ATP8A2: variants seen among roughly 807,000 people sequenced by gnomAD.
The protein encoded by ATP8A2 is phospholipid-transporting ATPase IB.
ATP8A2 carries 100 observed loss-of-function variants against 165.6 expected under a neutral mutation model. The observed-to-expected ratio is 0.60, with a 90% confidence interval of 0.51 to 0.71. ATP8A2 has a LOEUF of 0.71. Among genes scored for constraint, ATP8A2 ranks in the 30% least tolerant of loss-of-function variants. The pLI, the probability that ATP8A2 is intolerant of heterozygous loss-of-function variation, is 0.00. For synonymous variants in ATP8A2, 543 were observed against 548.8 expected (o/e 0.99, Z 0.15); for missense variants, 1,227 against 1,479.5 (o/e 0.83, Z 2.80).
intron 1 of ATP8A2, among the ~76,000 whole-genome samples, chr13:25,396,387 G>A (rs2033425820): frequency 6.6e-6 from 1 of 152,142 alleles, no homozygotes; most frequent in South Asian, 2.1e-4. Flanking sequence ...TGGGGAAAAG[G>A]GGTTCTAGTT....
intron 30 of ATP8A2, among the ~76,000 whole-genome samples, chr13:25,855,246 A>G (rs1398660172): frequency 1.4e-5 from 2 of 146,612 alleles, no homozygotes; most frequent in South Asian, 4.3e-4. Context: ...GTAAGACTCC[A>G]TCTCAAAAAA....
intron 27 of ATP8A2, among the ~76,000 whole-genome samples, chr13:25,806,996 A>C (rs1427871853): frequency 1.3e-5 from 2 of 152,252 alleles, no homozygotes; most frequent in African/African-American, 4.8e-5. Context: ...ATGTCTATTC[A>C]GATTCTTTGC....
intron 33 of ATP8A2, among the ~76,000 whole-genome samples, chr13:25,922,640 A>G (rs764828580): frequency 2.6e-5 from 4 of 152,236 alleles, no homozygotes; most frequent in East Asian, 1.9e-4. Flanking sequence ...CGGAGAGCAC[A>G]AGGCAGGAGG....
chr13:25,992,293 G>A (rs1956411915), intron 35 of ATP8A2, among the ~76,000 whole-genome samples: 1 of 145,310 alleles, frequency 6.9e-6, no homozygotes, highest in African/African-American at 2.6e-5. Context: ...TTTAGTCTGT[G>A]TTTTCCTAAT....
chr13:25,806,063 T>C (rs1437463045), intron 27 of ATP8A2, among the ~76,000 whole-genome samples: 1 of 152,182 alleles, frequency 6.6e-6, no homozygotes, highest in Admixed American at 6.5e-5. Context: ...AGATCAACTT[T>C]ATTTCATGCC....
At chr13:25,699,537 T>G (rs918321225) in intron 25 of ATP8A2, among the ~76,000 whole-genome samples, 192 bp downstream of exon 25, 2 of 152,240 alleles carry the variant, frequency 1.3e-5, no homozygotes, top group East Asian at 3.8e-4. Context: ...TTTACATTTT[T>G]GTTTTGTTTA....
chr13:25,813,964 A>G (rs1950944047), intron 27 of ATP8A2, among the ~76,000 whole-genome samples: 1 of 152,062 alleles, frequency 6.6e-6, no homozygotes, highest in Admixed American at 6.5e-5. Flanking sequence ...CTGCCTTCAG[A>G]CTGGAACTGA....
At chr13:25,632,057 T>C (rs1432336791) in intron 24 of ATP8A2, among the ~76,000 whole-genome samples, 2 of 151,644 alleles carry the variant, frequency 1.3e-5, no homozygotes, top group Non-Finnish European at 2.9e-5. Context: ...TTTACTAGAG[T>C]AGCTCACAAA....
intron 27 of ATP8A2, among the ~76,000 whole-genome samples, chr13:25,804,020 A>G (rs1950675917): frequency 6.6e-6 from 1 of 152,256 alleles, no homozygotes; most frequent in Non-Finnish European, 1.5e-5. Context: ...ATGATTATAC[A>G]CAGCAAGGAC....
chr13:25,560,935 G>A (rs61948639), intron 15 of ATP8A2, among the ~76,000 whole-genome samples: 2 of 150,234 alleles, frequency 1.3e-5, no homozygotes, highest in African/African-American at 4.9e-5. Context: ...TGCCCAGGCT[G>A]GAGTGCAGTG....
intron 24 of ATP8A2, among the ~76,000 whole-genome samples, chr13:25,659,792 A>G (rs543466747): frequency 3.9e-5 from 6 of 152,074 alleles, no homozygotes; most frequent in Admixed American, 3.9e-4. Context: ...CAGCTTTGTG[A>G]TGTCATTGAA....
chr13:25,602,765 G>A (rs1456057614), intron 24 of ATP8A2, among the ~76,000 whole-genome samples: 1 of 152,154 alleles, frequency 6.6e-6, no homozygotes, highest in African/African-American at 2.4e-5. Flanking sequence ...GACATGATCT[G>A]ATTTACCTTT....
At chr13:25,732,514 T>C (rs2043673736) in intron 25 of ATP8A2, among the ~76,000 whole-genome samples, 1 of 152,256 alleles carries the variant, frequency 6.6e-6, no homozygotes, top group Non-Finnish European at 1.5e-5. Context: ...CTGAATTTAT[T>C]CTTAATATGT....
At chr13:25,480,032 C>A (rs1057507527) in intron 2 of ATP8A2, among the ~76,000 whole-genome samples, 2 of 152,206 alleles carry the variant, frequency 1.3e-5, no homozygotes, top group African/African-American at 4.8e-5. Flanking sequence ...GGGTGGTGGC[C>A]AGGCAGAGGG....
chr13:25,709,295 A>G (rs1394419924), intron 25 of ATP8A2, among the ~76,000 whole-genome samples: 1 of 152,228 alleles, frequency 6.6e-6, no homozygotes, highest in Non-Finnish European at 1.5e-5. Flanking sequence ...CACCAAGTTG[A>G]AGATAATCCT....
Position 25,756,991 on chromosome 13 carries a change from C to T in ATP8A2, c.2385-12055C>T, listed in dbSNP as rs142066334. 4.4e-3 allele frequency among the ~76,000 whole-genome samples: 676 copies of T among 152,242 alleles called. 6 individuals carry two copies. The highest frequency in any genetic ancestry group is 0.014 in the Middle Eastern group (4 of 294). The stretch of plus-strand genomic sequence containing the variant: ...CATCCCTTGAATCCTGCTCGCTCAG[C>T]GCATTCGTTCCCCACCCTTCCCCCT... On this transcript the variant is annotated intron_variant, in intron 25 of 36. Transcript: ENST00000381655.
chr13:25,982,826 A>G (rs1376846505), intron 35 of ATP8A2, among the ~76,000 whole-genome samples: 1 of 152,222 alleles, frequency 6.6e-6, no homozygotes, highest in African/African-American at 2.4e-5. Context: ...ATTTCTTTAT[A>G]TGGATCTTCA....
At chr13:25,786,015 C>A (rs2045015960) in intron 27 of ATP8A2, among the ~76,000 whole-genome samples, 2 of 152,130 alleles carry the variant, frequency 1.3e-5, no homozygotes. Context: ...TAGATTTTGA[C>A]CCTCGGTTTT....
chr13:25,837,029 G>A, intron 28 of ATP8A2, 134 bp from the exon 29 acceptor site: 2 of 1,086,348 alleles, frequency 1.8e-6, no homozygotes, highest in East Asian at 2.4e-5. Context: ...TTTGGAGGGT[G>A]TCTGGGGATC....
Sources: gnomAD v4.1 joint callset for allele counts (sites outside exome capture counted in the v4.1 genomes callset) on GRCh38, gnomAD v4.1.1 for gene constraint, MANE v1.5 for transcripts, NCBI Gene and HGNC (gene_info 2026-07-23, HGNC 2026-07-21) for gene names.